ULK2: variants seen among roughly 807,000 people sequenced by gnomAD.
ULK2 encodes serine/threonine-protein kinase ULK2.
A neutral mutation model predicts 127.5 loss-of-function variants in ULK2; 76 were observed. The ratio of observed to expected loss-of-function variants is 0.60; its 90% confidence interval spans 0.50 to 0.72. ULK2 has a LOEUF of 0.72. ULK2 is among the 30% of genes least tolerant of loss of function. The pLI is 0.00. For missense variants in ULK2, 1,144 were observed against 1,295.9 expected, an observed-to-expected ratio of 0.88 and a Z score of 1.80; for synonymous variants, 452 against 461.9, an observed-to-expected ratio of 0.98 and a Z score of 0.28.
chr17:19,816,666 A>G, intron 13 of ULK2, 83 bp downstream of exon 13: 1 of 1,260,564 alleles, frequency 7.9e-7, no homozygotes, highest in South Asian at 2.4e-5. Context: ...CCTACACAAG[A>G]AAGTGTAATA....
chr17:19,780,723 T>C, intron 24 of ULK2, 94 bp from the exon 25 acceptor site: 1 of 1,300,080 alleles, frequency 7.7e-7, no homozygotes, highest in Non-Finnish European at 1.0e-6. Context: ...ATAGGGAAGG[T>C]GTCACTATGT....
At chr17:19,790,424 A>T (rs986453042) in intron 20 of ULK2, among the ~76,000 whole-genome samples, 8 of 151,984 alleles carry the variant, frequency 5.3e-5, no homozygotes, top group South Asian at 2.1e-4. Flanking sequence ...TCTCAAAAAT[A>T]AAAAAATTGA....
intron 22 of ULK2, among the ~76,000 whole-genome samples, chr17:19,782,518 A>G (rs1221236174): frequency 6.6e-6 from 1 of 152,228 alleles, no homozygotes; most frequent in African/African-American, 2.4e-5. Flanking sequence ...TTCAGTTAAC[A>G]GTGATTACTA....
chr17:19,855,479 A>G (rs2042106562), intron 3 of ULK2, among the ~76,000 whole-genome samples: 1 of 151,768 alleles, frequency 6.6e-6, no homozygotes, highest in Non-Finnish European at 1.5e-5. Flanking sequence ...AGGTGCCTGT[A>G]ATCCCAGCTA....
chr17:19,804,236 G>GA (rs5819689), intron 15 of ULK2, among the ~76,000 whole-genome samples: 131,695 of 147,662 alleles, frequency 0.89, 59,301 homozygotes, highest in Non-Finnish European at 0.96. Context: ...AAAAGAAAAA[G>GA]AAAAAAAAAA....
intron 3 of ULK2, among the ~76,000 whole-genome samples, chr17:19,850,907 A>T (rs2041999809): frequency 1.3e-5 from 2 of 152,092 alleles, no homozygotes; most frequent in Admixed American, 6.6e-5. Context: ...GGCTGGGCCC[A>T]GTGGCTAACA....
Position 19,804,673 on chromosome 17 carries a change from G to C in ULK2, c.1295+20C>G. ...AAGGAGATGAAAAAGAATTAAGCAA[G>C]AAAAAAGCTACTAACTTACCTTGGA... is the stretch of plus-strand genomic sequence containing the variant. On this transcript the variant is annotated intron_variant, in intron 15 of 26. Transcript: ENST00000395544. 6.4e-7 allele frequency: 1 copy of C among 1,558,796 alleles called. No homozygotes were observed. Among genetic ancestry groups the C allele is most frequent in the African/African-American group, 1.4e-5 (1 of 72,866 alleles).
At chr17:19,852,106 T>C (rs200852132) in intron 3 of ULK2, among the ~76,000 whole-genome samples, 1 of 148,278 alleles carries the variant, frequency 6.7e-6, no homozygotes, top group South Asian at 2.1e-4. Context: ...GCACCTGTAG[T>C]CCCAGCGGCT....
chr17:19,780,869 A>T, intron 24 of ULK2, 117 bp downstream of exon 24: 1 of 1,103,446 alleles, frequency 9.1e-7, no homozygotes, highest in Non-Finnish European at 1.3e-6. Flanking sequence ...TTTTCCCTTT[A>T]AGAATACTGA....
In ULK2 at chr17:19,772,288, T is replaced by C. The variant is rs1317718328; in HGVS notation, c.*4061A>G. 6.6e-6 allele frequency: 1 copy of C among 152,274 alleles called. No individual in the cohort carries two copies. The highest frequency in any genetic ancestry group is 6.5e-5 in the Admixed American group (1 of 15,292). The allele number at this position is 152,274 out of a possible 1,614,324, so 9.4% of individuals were successfully genotyped here. A position where few individuals can be genotyped will look rare whatever the true frequency, so the allele number is the denominator to read the frequency against. ...TGTCAGCTTTCCCGTATGCAGTGTT[T>C]TTCTAGGTGGATTGTTTCTGATGTG... On this transcript the variant is annotated 3_prime_UTR_variant, in exon 27 of 27. Transcript: ENST00000395544.
At chr17:19,780,051 G>A (rs779374330) in intron 25 of ULK2, among the ~76,000 whole-genome samples, 7 of 152,030 alleles carry the variant, frequency 4.6e-5, no homozygotes, top group Non-Finnish European at 8.8e-5. Context: ...GCAAGTGCCT[G>A]TAATCCCAGC....
Position 19,783,917 on chromosome 17 carries a change from CAG to C in ULK2, c.2252-14_2252-13del. 1.3e-6 allele frequency: 2 copies of C among 1,484,762 alleles called. No homozygotes were observed. Among genetic ancestry groups the C allele is most frequent in the South Asian group, 1.5e-5 (1 of 68,146 alleles). 92.0% of individuals were successfully genotyped at this position (1,484,762 alleles called of 1,614,324 possible). A position where few individuals can be genotyped will look rare whatever the true frequency, so the allele number is the denominator to read the frequency against. ...GTTGCTGGGCCCCACTACAAGGAAA[CAG>C]AGGATACATGGCAGTGTCCAGAGTT... On this transcript the variant is annotated splice_polypyrimidine_tract_variant and intron_variant, in intron 21 of 26. Coordinates refer to ENST00000395544, the MANE Select transcript of ULK2 (RefSeq NM_014683.4).
Position 19,776,279 on chromosome 17 carries a change from G to A in ULK2, c.*70C>T. ...ACAGTTTCCTGGGGATGGGGTGACA[G>A]AACTCAAGCTGTAATCCCAAAGGCA... On this transcript the variant is annotated 3_prime_UTR_variant, in exon 27 of 27. Transcript: ENST00000395544. 7.2e-7 allele frequency: 1 copy of A among 1,395,960 alleles called. No homozygotes were observed. Among genetic ancestry groups the A allele is most frequent in the Non-Finnish European group, 9.7e-7 (1 of 1,035,712 alleles). 86.5% of individuals were successfully genotyped at this position (1,395,960 alleles called of 1,614,324 possible).
chr17:19,841,642 G>A, intron 8 of ULK2, 95 bp from the exon 9 acceptor site: 2 of 904,166 alleles, frequency 2.2e-6, no homozygotes, highest in Non-Finnish European at 3.2e-6. Context: ...TTAAGGGATT[G>A]AGGGAGTGGG....
intron 3 of ULK2, among the ~76,000 whole-genome samples, chr17:19,852,437 T>C (rs1225155525): frequency 1.4e-5 from 2 of 141,116 alleles, no homozygotes; most frequent in South Asian, 2.3e-4. Flanking sequence ...AGGAGAATAG[T>C]GTGAACCCAG....
intron 3 of ULK2, 37 bp downstream of exon 3, chr17:19,864,765 AT>A: frequency 1.0e-6 from 1 of 991,476 alleles, no homozygotes; most frequent in Non-Finnish European, 1.4e-6. Flanking sequence ...ATTAAAAAAA[AT>A]TTATTTTAAT....
At chr17:19,793,848 G>T (rs1224405770) in intron 20 of ULK2, among the ~76,000 whole-genome samples, 1 of 152,220 alleles carries the variant, frequency 6.6e-6, no homozygotes, top group Non-Finnish European at 1.5e-5. Flanking sequence ...AGTTTGAAAA[G>T]AGAGAGCAAA....
Position 19,846,903 on chromosome 17 carries a change from C to A in ULK2, c.303G>T (p.Gly101=), listed in dbSNP as rs2041896961. The change falls in exon 6 of 27, where the codon GGG becomes GGT. Residue 101 remains glycine (G), a synonymous_variant. Coordinates refer to ENST00000395544, the MANE Select transcript of ULK2 (RefSeq NM_014683.4). ...CTCTGATCGTGTCTTCACTGAGAGT[C>A]CCTTTCGCTGGTACAAAAGGAGTCA... is the stretch of plus-strand genomic sequence containing the variant. ...GDLADYLQAK[G]TLSEDTIRVF... 6.2e-7 allele frequency: 1 copy of A among 1,607,168 alleles called. No individual in the cohort carries two copies. Among genetic ancestry groups the A allele is most frequent in the African/African-American group, 1.3e-5 (1 of 74,784 alleles).
At chr17:19,835,934 C>G (rs2152395532) in intron 10 of ULK2, among the ~76,000 whole-genome samples, 2 of 151,714 alleles carry the variant, frequency 1.3e-5, no homozygotes, top group South Asian at 4.2e-4. Context: ...ACAGCCCTGG[C>G]AACATTGTGA....
Sources: allele counts gnomAD v4.1 joint callset (sites outside exome capture counted in the v4.1 genomes callset), GRCh38; gene constraint gnomAD v4.1.1; transcripts MANE v1.5; gene names NCBI Gene and HGNC (gene_info 2026-07-23, HGNC 2026-07-21).